The following ZFHX4 variants were observed in gnomAD, a reference collection of about 807,000 sequenced individuals.
ZFHX4 encodes the protein zinc finger homeobox protein 4.
Under a neutral mutation model 267.6 loss-of-function variants are expected in ZFHX4, and 56 were observed. The ratio of observed to expected loss-of-function variants is 0.21; its 90% confidence interval spans 0.17 to 0.26. The LOEUF (loss-of-function observed/expected upper bound fraction) is 0.26. Among genes scored for constraint, ZFHX4 ranks in the 10% least tolerant of loss-of-function variants. The pLI, the probability that ZFHX4 is intolerant of heterozygous loss-of-function variation, is 1.00. For missense variants in ZFHX4, 4,332 were observed against 4,420.0 expected, an observed-to-expected ratio of 0.98 and a Z score of 0.56; for synonymous variants, 1,778 against 1,665.6, an observed-to-expected ratio of 1.07 and a Z score of -1.64.
At chr8:76,710,812 G>A (rs1240602284) in intron 3 of ZFHX4, among the ~76,000 whole-genome samples, 1 of 152,116 alleles carries the variant, frequency 6.6e-6, no homozygotes, top group Non-Finnish European at 1.5e-5. Context: ...CTAAAAGTGT[G>A]TCCTTATTCT....
At chr8:76,714,368 G>A (rs756554395) in intron 3 of ZFHX4, among the ~76,000 whole-genome samples, 2 of 152,184 alleles carry the variant, frequency 1.3e-5, no homozygotes, top group African/African-American at 2.4e-5. Flanking sequence ...TATAATGACC[G>A]TGGTTCTGCT....
intron 3 of ZFHX4, among the ~76,000 whole-genome samples, chr8:76,753,704 C>T (rs934362902): frequency 2.4e-4 from 34 of 143,406 alleles, no homozygotes; most frequent in Non-Finnish European, 1.1e-4. Context: ...GCTCACTGCT[C>T]AAGCTCCATC....
At chr8:76,760,230 G>A (rs1809873613) in intron 3 of ZFHX4, among the ~76,000 whole-genome samples, 1 of 151,976 alleles carries the variant, frequency 6.6e-6, no homozygotes, top group Non-Finnish European at 1.5e-5. Context: ...CAATAAATAG[G>A]TACATATACT....
At chr8:76,794,438 T>C (rs1810918349) in intron 4 of ZFHX4, among the ~76,000 whole-genome samples, 2 of 152,162 alleles carry the variant, frequency 1.3e-5, no homozygotes, top group African/African-American at 4.8e-5. Flanking sequence ...GAAAATGTGC[T>C]TTGGAAAGTT....
chr8:76,747,531 G>A (rs1809491415), intron 3 of ZFHX4, among the ~76,000 whole-genome samples: 1 of 152,122 alleles, frequency 6.6e-6, no homozygotes, highest in Non-Finnish European at 1.5e-5. Context: ...TTAAAATAAT[G>A]TGACTATAGT....
chr8:76,699,190 C>G (rs746532863), intron 1 of ZFHX4, among the ~76,000 whole-genome samples: 10 of 152,166 alleles, frequency 6.6e-5, no homozygotes, highest in Admixed American at 1.3e-4. Context: ...ATATTTCTAT[C>G]TTACAAGTAA....
At chr8:76,744,956 A>G (rs1192824612) in intron 3 of ZFHX4, among the ~76,000 whole-genome samples, 1 of 152,126 alleles carries the variant, frequency 6.6e-6, no homozygotes, top group African/African-American at 2.4e-5. Context: ...GGTTTTTGAA[A>G]AAAGTACTCT....
intron 10 of ZFHX4, among the ~76,000 whole-genome samples, chr8:76,862,117 T>C (rs1051572968): frequency 1.3e-5 from 2 of 152,220 alleles, no homozygotes; most frequent in African/African-American, 4.8e-5. Flanking sequence ...TGAGCTGTCC[T>C]TCAGTTTCCC....
chr8:76,836,807 C>A (rs574807405), intron 5 of ZFHX4, among the ~76,000 whole-genome samples: 1 of 152,016 alleles, frequency 6.6e-6, no homozygotes, highest in Admixed American at 6.6e-5. Flanking sequence ...AGTTATAAGA[C>A]CATTGCAGGA....
intron 5 of ZFHX4, chr8:76,834,579 A>G (rs928060033): frequency 1.3e-5 from 2 of 152,682 alleles, no homozygotes; most frequent in Non-Finnish European, 2.9e-5. Context: ...GTCTTTGGCC[A>G]ATTTTTTAAT....
At position 76,866,330 on chromosome 8, in the gene ZFHX4, G is replaced by C. The variant is rs535545494; in HGVS notation, c.*1765G>C. 4 of 152,588 alleles carry C rather than the reference G, an allele frequency of 2.6e-5. No homozygotes were observed. In the South Asian group the frequency reaches 8.3e-4, roughly 32 times the overall value. The allele number at this position is 152,588 out of a possible 1,614,324, so 9.5% of individuals were successfully genotyped here. On this transcript the variant is annotated 3_prime_UTR_variant, in exon 11 of 11. Transcript: ENST00000651372. ...TTTAACTCAAGTCATGCTTCAAACT[G>C]TTTTAATGATCAAATCAAGACACAT...
chr8:76,786,881 A>G (rs1287042764), intron 4 of ZFHX4, among the ~76,000 whole-genome samples: 1 of 152,170 alleles, frequency 6.6e-6, no homozygotes, highest in Non-Finnish European at 1.5e-5. Flanking sequence ...CATAACGAAG[A>G]AAAGCTCAAA....
intron 4 of ZFHX4, among the ~76,000 whole-genome samples, chr8:76,822,901 T>A (rs931021602): frequency 7.2e-5 from 11 of 152,186 alleles, no homozygotes; most frequent in African/African-American, 2.7e-4. Context: ...CATTTTCAAA[T>A]ATATTCAACT....
intron 3 of ZFHX4, among the ~76,000 whole-genome samples, chr8:76,711,918 T>C (rs1437508700): frequency 2.0e-5 from 3 of 152,202 alleles, no homozygotes; most frequent in African/African-American, 7.2e-5. Flanking sequence ...GTGCAGGACA[T>C]AGAAATACTC....
chr8:76,857,283 A>G (rs1812755572), intron 10 of ZFHX4, among the ~76,000 whole-genome samples: 1 of 151,082 alleles, frequency 6.6e-6, no homozygotes, highest in African/African-American at 2.4e-5. Context: ...TGTTTTCTAA[A>G]TTATCAATGA....
In ZFHX4 at chr8:76,843,410, G is replaced by A. The variant is rs144276356; in HGVS notation, c.3511+639G>A. Among the ~76,000 whole-genome samples the A allele has an allele frequency of 9.6e-4, 146 of 152,292 alleles. 1 individual carries two copies. The East Asian group carries it at 0.014, about 15-fold the overall frequency. Reference sequence around the variant, plus strand: ...GATCTTCTAGAATAGACAAATCCCAGTAATGAAAGCTACTGTCTTTGAAAA... The same window carrying A: ...GATCTTCTAGAATAGACAAATCCCAATAATGAAAGCTACTGTCTTTGAAAA... On this transcript the variant is annotated intron_variant, in intron 6 of 10. Coordinates refer to ENST00000651372, the MANE Select transcript of ZFHX4 (RefSeq NM_024721.5).
rs1377985401 is a variant in ZFHX4, at chr8:76,865,995, T to C, written c.*1430T>C. ...CAACTTCCACCACCCAGTGAATTGATTTATAAATTGCTATGCTTTGCTGTT... is the reference window on the plus strand; with the variant it reads ...CAACTTCCACCACCCAGTGAATTGACTTATAAATTGCTATGCTTTGCTGTT... On this transcript the variant is annotated 3_prime_UTR_variant, in exon 11 of 11. Coordinates refer to ENST00000651372, the MANE Select transcript of ZFHX4 (RefSeq NM_024721.5). The C allele has an allele frequency of 6.6e-6, 1 of 152,650 alleles. No homozygotes were observed. The highest frequency in any genetic ancestry group is 1.5e-5 in the Non-Finnish European group (1 of 68,034). 9.5% of individuals were successfully genotyped at this position (152,650 alleles called of 1,614,324 possible).
At chr8:76,685,998 A>C (rs921088961) in intron 1 of ZFHX4, among the ~76,000 whole-genome samples, 1 of 152,186 alleles carries the variant, frequency 6.6e-6, no homozygotes, top group African/African-American at 2.4e-5. Flanking sequence ...CTTGACTGGA[A>C]AGAATACAGA....
intron 4 of ZFHX4, among the ~76,000 whole-genome samples, chr8:76,814,060 TGTC>T (rs1335269705): frequency 4.6e-5 from 7 of 152,136 alleles, no homozygotes; most frequent in African/African-American, 1.4e-4. Context: ...TCCGTAACAT[TGTC>T]TTTTTTTATT....
Sources: gnomAD v4.1 joint callset for allele counts (sites outside exome capture counted in the v4.1 genomes callset) on GRCh38, gnomAD v4.1.1 for gene constraint, MANE v1.5 for transcripts, NCBI Gene and HGNC (gene_info 2026-07-23, HGNC 2026-07-21) for gene names.